The following STX8 variants were observed in gnomAD, a reference collection of about 807,000 sequenced individuals.
STX8 encodes syntaxin-8.
In STX8, 23 loss-of-function variants were observed where a neutral mutation model predicts 37.5. The observed-to-expected ratio is 0.61, with a 90% CI of 0.44 to 0.87. The LOEUF is 0.87. STX8 is among the 40% of genes least tolerant of loss of function. The pLI is 0.00. For synonymous variants in STX8, 115 were observed against 99.1 expected (o/e 1.16, Z -0.95); for missense variants, 313 against 284.7 (o/e 1.10, Z -0.71).
At chr17:9,283,684 G>T (rs1475824489) in intron 7 of STX8, among the ~76,000 whole-genome samples, 2 of 152,132 alleles carry the variant, frequency 1.3e-5, no homozygotes, top group African/African-American at 4.8e-5. Context: ...ATTTAATAAG[G>T]TTGAACTGTA....
intron 6 of STX8, among the ~76,000 whole-genome samples, chr17:9,421,549 T>C (rs193242925): frequency 1.4e-4 from 21 of 152,020 alleles, no homozygotes; most frequent in South Asian, 6.2e-4. Context: ...TGCTTTATCC[T>C]TTCCCCTGCT....
At chr17:9,489,734 G>A (rs1643763179) in intron 6 of STX8, among the ~76,000 whole-genome samples, 1 of 139,206 alleles carries the variant, frequency 7.2e-6, no homozygotes, top group Non-Finnish European at 1.5e-5. Context: ...TATCGCCCAG[G>A]CTGGAGTGCA....
chr17:9,566,978 T>C (rs1263993723), intron 2 of STX8, among the ~76,000 whole-genome samples: 3 of 152,168 alleles, frequency 2.0e-5, no homozygotes, highest in Non-Finnish European at 4.4e-5. Flanking sequence ...TGCAGGAACA[T>C]GAATGGAGCT....
chr17:9,437,434 A>G (rs978698335), intron 6 of STX8, among the ~76,000 whole-genome samples: 1 of 152,248 alleles, frequency 6.6e-6, no homozygotes, highest in African/African-American at 2.4e-5. Context: ...GGGGATGTGC[A>G]TGAAATGGAC....
chr17:9,397,136 G>A (rs984386778), intron 6 of STX8, among the ~76,000 whole-genome samples: 11 of 152,202 alleles, frequency 7.2e-5, no homozygotes, highest in African/African-American at 2.2e-4. Context: ...GGTGGCCCAC[G>A]CCTGTAATCC....
chr17:9,452,180 C>T (rs1357629147), intron 6 of STX8: 1 of 151,312 alleles, frequency 6.6e-6, no homozygotes, highest in Non-Finnish European at 1.5e-5. Context: ...TGTTTTCACC[C>T]TGGACACTCC....
intron 7 of STX8, among the ~76,000 whole-genome samples, chr17:9,304,930 T>C (rs993859254): frequency 1.1e-5 from 1 of 89,900 alleles, no homozygotes; most frequent in African/African-American, 6.5e-5. Flanking sequence ...AAAAAATATG[T>C]ATATATATAT....
chr17:9,252,562 TCACAC>T lies in STX8; in HGVS notation c.644-1922_644-1918del, dbSNP rs1906624437. On this transcript the variant is annotated intron_variant, in intron 7 of 7. Coordinates refer to ENST00000306357, the MANE Select transcript of STX8 (RefSeq NM_004853.3). Reference sequence around the variant, plus strand: ...AGGCGGAGGTTGCAGTGAGCTGAGATCACACCACTGCAATACAGCCTGTGCAACAA... The same window carrying T: ...AGGCGGAGGTTGCAGTGAGCTGAGATCACTGCAATACAGCCTGTGCAACAA... 2.9e-5 allele frequency among the ~76,000 whole-genome samples: 4 copies of T among 140,278 alleles called. No individual in the cohort carries two copies. The South Asian group carries it at 9.0e-4, about 31-fold the overall frequency. 92.0% of individuals were successfully genotyped at this position (140,278 alleles called of 152,430 possible). A position where few individuals can be genotyped will look rare whatever the true frequency, so the allele number is the denominator to read the frequency against.
intron 7 of STX8, among the ~76,000 whole-genome samples, chr17:9,322,911 A>G (rs1410792532): frequency 6.6e-6 from 1 of 151,686 alleles, no homozygotes; most frequent in Non-Finnish European, 1.5e-5. Context: ...GAAAAAAAAA[A>G]ACACAAACAC....
chr17:9,471,925 G>A (rs1177624622), intron 6 of STX8, among the ~76,000 whole-genome samples: 1 of 152,118 alleles, frequency 6.6e-6, no homozygotes, highest in Non-Finnish European at 1.5e-5. Context: ...GCTATTCACA[G>A]TAATTATGTT....
At chr17:9,289,998 G>A (rs1228903171) in intron 7 of STX8, among the ~76,000 whole-genome samples, 1 of 152,216 alleles carries the variant, frequency 6.6e-6, no homozygotes, top group Non-Finnish European at 1.5e-5. Flanking sequence ...GCCTGAGCAT[G>A]TGTGTGGGCG....
At chr17:9,278,380 C>T (rs1017660595) in intron 7 of STX8, among the ~76,000 whole-genome samples, 31 of 151,494 alleles carry the variant, frequency 2.0e-4, no homozygotes, top group African/African-American at 6.6e-4. Context: ...ACCCGGGAGG[C>T]GGAGGTTGCG....
chr17:9,548,635 C>T (rs1906644579), intron 3 of STX8: 1 of 151,788 alleles, frequency 6.6e-6, no homozygotes, highest in Admixed American at 6.6e-5. Flanking sequence ...GTTTTGCAGC[C>T]TTAAAAAAAG....
At chr17:9,322,634 A>G (rs1253081386) in intron 7 of STX8, among the ~76,000 whole-genome samples, 1 of 151,968 alleles carries the variant, frequency 6.6e-6, no homozygotes. Context: ...AATTTATCCC[A>G]CTGCATTGTA....
At chr17:9,320,000 C>T (rs1270604536) in intron 7 of STX8, among the ~76,000 whole-genome samples, 1 of 150,910 alleles carries the variant, frequency 6.6e-6, no homozygotes, top group Non-Finnish European at 1.5e-5. Flanking sequence ...ACTGGAAACT[C>T]TAGGAAATAC....
chr17:9,442,720 A>G (rs1321467653), intron 6 of STX8, among the ~76,000 whole-genome samples: 1 of 152,066 alleles, frequency 6.6e-6, no homozygotes, highest in Non-Finnish European at 1.5e-5. Context: ...TATCTTCTTT[A>G]TTGAAACTTT....
At chr17:9,309,987 AGTCAAGTTGACTCTTATT>A (rs1909134304) in intron 7 of STX8, among the ~76,000 whole-genome samples, 4 of 120,988 alleles carry the variant, frequency 3.3e-5, no homozygotes, top group African/African-American at 2.7e-4. Context: ...ATTTGTCAAT[AGTCAAGTTGACTCTTATT>A]AGTCAAGTTG....
chr17:9,261,496 G>A (rs1293049193), intron 7 of STX8, among the ~76,000 whole-genome samples: 1 of 152,026 alleles, frequency 6.6e-6, no homozygotes, highest in Non-Finnish European at 1.5e-5. Context: ...CTCTACCCAC[G>A]CCCAACACAA....
chr17:9,565,348 G>A (rs1304130523), intron 2 of STX8, among the ~76,000 whole-genome samples: 1 of 152,156 alleles, frequency 6.6e-6, no homozygotes, highest in Non-Finnish European at 1.5e-5. Context: ...AGGCACAGTG[G>A]CTCACGCCTA....
Sources: gnomAD v4.1 joint callset for allele counts (sites outside exome capture counted in the v4.1 genomes callset) on GRCh38, gnomAD v4.1.1 for gene constraint, MANE v1.5 for transcripts, NCBI Gene and HGNC (gene_info 2026-07-23, HGNC 2026-07-21) for gene names.